TMEM132B: variants seen among roughly 807,000 people sequenced by gnomAD.
TMEM132B encodes transmembrane protein 132B.
TMEM132B carries 18 observed loss-of-function variants against 90.8 expected under a neutral mutation model. The ratio of observed to expected loss-of-function variants is 0.20; its 90% CI spans 0.14 to 0.29. The LOEUF (loss-of-function observed/expected upper bound fraction) is 0.29, where lower values mean the gene tolerates loss of function less well. Ranked by LOEUF, TMEM132B falls within the 10% of genes least tolerant of loss-of-function variation. The pLI, the probability that TMEM132B is intolerant of heterozygous loss-of-function variation, is 1.00. For synonymous variants in TMEM132B, 504 were observed against 523.3 expected, an observed-to-expected ratio of 0.96 and a Z score of 0.50; for missense variants, 1,096 against 1,326.8, an observed-to-expected ratio of 0.83 and a Z score of 2.70.
chr12:125,376,319 C>T (rs1258920578), intron 2 of TMEM132B, among the ~76,000 whole-genome samples: 1 of 152,026 alleles, frequency 6.6e-6, no homozygotes, highest in Non-Finnish European at 1.5e-5. Context: ...TGCTTCCTCC[C>T]CAGATAAATT....
In TMEM132B at chr12:125,633,819, T is replaced by G. The variant is rs537952519; in HGVS notation, c.1438-10257T>G. Among the ~76,000 whole-genome samples the G allele has an allele frequency of 3.9e-5, 6 of 152,268 alleles. No individual in the cohort carries two copies. In the South Asian group the frequency reaches 1.2e-3, roughly 32 times the overall value. On this transcript the variant is annotated intron_variant, in intron 5 of 8. Coordinates refer to ENST00000682704, the MANE Select transcript of TMEM132B (RefSeq NM_001366854.1). ...GTTCTGAGCCACCTGAAGCTGAGAG[T>G]GGAGTGACATAAGCACCCCTGTGGC...
At chr12:125,255,385 C>T (rs1450769798) in intron 1 of TMEM132B, among the ~76,000 whole-genome samples, 6 of 152,094 alleles carry the variant, frequency 3.9e-5, no homozygotes, top group East Asian at 1.9e-4. Context: ...CCCACGGGGG[C>T]GGCATGGCTG....
At chr12:125,280,578 G>A (rs1489463340) in intron 1 of TMEM132B, among the ~76,000 whole-genome samples, 1 of 152,208 alleles carries the variant, frequency 6.6e-6, no homozygotes, top group African/African-American at 2.4e-5. Flanking sequence ...CTAGGCTGCC[G>A]GAGGAGCAGC....
intron 5 of TMEM132B, among the ~76,000 whole-genome samples, chr12:125,633,653 G>T (rs923478031): frequency 6.6e-6 from 1 of 152,128 alleles, no homozygotes; most frequent in Non-Finnish European, 1.5e-5. Flanking sequence ...GCCCAGTAAT[G>T]CTGTGTTTCT....
chr12:125,399,801 C>T (rs542981990), intron 2 of TMEM132B, among the ~76,000 whole-genome samples: 34 of 152,230 alleles, frequency 2.2e-4, no homozygotes, highest in African/African-American at 5.8e-4. Context: ...ATTGGCTAAG[C>T]GTCTATGAAG....
intron 1 of TMEM132B, among the ~76,000 whole-genome samples, chr12:125,298,449 G>A (rs1165797767): frequency 2.6e-5 from 4 of 151,502 alleles, no homozygotes; most frequent in African/African-American, 4.8e-5. Flanking sequence ...TGAGGTTGGC[G>A]GATCACCTGA....
At chr12:125,252,536 A>G (rs564982521) in intron 1 of TMEM132B, among the ~76,000 whole-genome samples, 6 of 152,346 alleles carry the variant, frequency 3.9e-5, no homozygotes, top group African/African-American at 1.4e-4. Flanking sequence ...CACAGAACAA[A>G]GATGGCTTCT....
chr12:125,350,254 G>A lies in TMEM132B; in HGVS notation c.870G>A (p.Ser290=), dbSNP rs73233395. The part of the protein sequence containing the change: ...LVSLDENVVI[S]VPLNLVREGD... ...GCTTGGACGAGAATGTGGTCATCTC[G>A]GTACCTCTGAATCTAGTCCGGGAAG... is the stretch of plus-strand genomic sequence containing the variant. The change falls in exon 2 of 9, where the codon TCG becomes TCA. Residue 290 remains serine, a synonymous_variant. Coordinates refer to ENST00000682704, the MANE Select transcript of TMEM132B (RefSeq NM_001366854.1). 27,202 of 1,614,050 alleles carry A rather than the reference G, an allele frequency of 0.017. 314 individuals are homozygous for A. Among genetic ancestry groups the A allele is most frequent in the Non-Finnish European group, 0.019 (22,766 of 1,180,036 alleles).
rs199743091 is a variant in TMEM132B at position 125,654,511 on chromosome 12, C to A, written c.3053C>A (p.Pro1018His). The change falls in exon 9 of 9, where the codon CCT becomes CAT. Residue 1018 changes from proline to histidine, a missense_variant. By Grantham distance (77) the Pro-to-His change is moderately conservative. Coordinates refer to ENST00000682704, the MANE Select transcript of TMEM132B (RefSeq NM_001366854.1). The surrounding 1 kb of genome is among the most constrained non-coding windows in gnomAD (Gnocchi z 5.8). The stretch of plus-strand genomic sequence containing the variant: ...TATGAGAAAGAAATTAAAAATGAAC[C>A]TATGAATTCTTCGGGCCCAAAGAGG... Reference protein sequence around the residue: ...YVYEKEIKNEPMNSSGPKRKR... With the variant: ...YVYEKEIKNEHMNSSGPKRKR... 1,077 of 1,613,894 alleles carry A rather than the reference C, an allele frequency of 6.7e-4. 1 individual carries two copies. Among genetic ancestry groups the A allele is most frequent in the Non-Finnish European group, 8.6e-4 (1,018 of 1,180,030 alleles).
chr12:125,537,298 T>C (rs1027032386), intron 4 of TMEM132B, among the ~76,000 whole-genome samples: 1 of 152,222 alleles, frequency 6.6e-6, no homozygotes, highest in African/African-American at 2.4e-5. Context: ...TTAAAAACAT[T>C]TCCCATAAAA....
At chr12:125,281,669 T>A (rs1328483114) in intron 1 of TMEM132B, among the ~76,000 whole-genome samples, 1 of 151,950 alleles carries the variant, frequency 6.6e-6, no homozygotes, top group Non-Finnish European at 1.5e-5. Flanking sequence ...GGGATGAGGG[T>A]AAAGTGATTT....
rs930083438 is a variant in TMEM132B at position 125,273,399 on chromosome 12, C to T, written c.68-76053C>T. On this transcript the variant is annotated intron_variant, in intron 1 of 8. Transcript: ENST00000682704. ...TCCAGGAGTTCAAGACCAACCCGGG[C>T]AACACAGTGAAACCTCATCTGTACA... 4.1e-4 allele frequency among the ~76,000 whole-genome samples: 62 copies of T among 152,048 alleles called. 1 individual carries two copies. The highest frequency in any genetic ancestry group is 5.4e-4 in the Non-Finnish European group (37 of 68,012).
At chr12:125,293,663 G>A (rs1355782758) in intron 1 of TMEM132B, among the ~76,000 whole-genome samples, 1 of 152,200 alleles carries the variant, frequency 6.6e-6, no homozygotes. Flanking sequence ...ATTCCATGGT[G>A]TATATGCGTC....
intron 3 of TMEM132B, among the ~76,000 whole-genome samples, chr12:125,457,382 C>T (rs576374138): frequency 6.6e-6 from 1 of 152,294 alleles, no homozygotes; most frequent in South Asian, 2.1e-4. Flanking sequence ...GTCTCCTGTG[C>T]TCAGAGTTGG....
At chr12:125,335,632 T>TC (rs1389001090) in intron 1 of TMEM132B, among the ~76,000 whole-genome samples, 7 of 152,098 alleles carry the variant, frequency 4.6e-5, no homozygotes, top group Non-Finnish European at 8.8e-5. Flanking sequence ...GAGAATAAAG[T>TC]CAGCTTTGTA....
chr12:125,471,568 G>T (rs1051539575), intron 3 of TMEM132B, among the ~76,000 whole-genome samples: 2 of 152,212 alleles, frequency 1.3e-5, no homozygotes, highest in Non-Finnish European at 2.9e-5. Context: ...GTGGACGTCG[G>T]GTTGGTCTTT....
chr12:125,654,792 A>T lies in TMEM132B; in HGVS notation c.*82A>T. 6.9e-7 allele frequency: 1 copy of T among 1,456,994 alleles called. No homozygotes were observed. Among genetic ancestry groups the T allele is most frequent in the Non-Finnish European group, 9.3e-7 (1 of 1,075,674 alleles). The allele number at this position is 1,456,994 out of a possible 1,614,324, so 90.3% of individuals were successfully genotyped here. ...CAGTGAGTTTGATCAGCAATAGGGG[A>T]TGATTTAACAAAGTTTGATTTGTGG... On this transcript the variant is annotated 3_prime_UTR_variant, in exon 9 of 9. Transcript: ENST00000682704. This position sits in a 1 kb window ranked among gnomAD's most constrained non-coding sequence, Gnocchi z 5.8.
chr12:125,647,127 C>A (rs999857045), intron 6 of TMEM132B, among the ~76,000 whole-genome samples: 4 of 152,100 alleles, frequency 2.6e-5, no homozygotes, highest in Non-Finnish European at 5.9e-5. Context: ...AATCAATGAA[C>A]CTGAGGACAG....
At chr12:125,352,484 C>A (rs1266314274) in intron 2 of TMEM132B, among the ~76,000 whole-genome samples, 1 of 152,186 alleles carries the variant, frequency 6.6e-6, no homozygotes, top group Non-Finnish European at 1.5e-5. Context: ...AGCTGTGTGC[C>A]CTTCGGCAAG....
Sources: allele counts gnomAD v4.1 joint callset (sites outside exome capture counted in the v4.1 genomes callset), GRCh38; gene constraint gnomAD v4.1.1; non-coding constraint Gnocchi (gnomAD v3.1); transcripts MANE v1.5; gene names NCBI Gene and HGNC (gene_info 2026-07-23, HGNC 2026-07-21).